The following PSMD13 variants were observed in gnomAD, a reference collection of about 807,000 sequenced individuals.
The protein encoded by PSMD13 is proteasome 26S subunit, non-ATPase 13, also known as 26S proteasome non-ATPase regulatory subunit 13.
In PSMD13, 8 loss-of-function variants were observed where a neutral mutation model predicts 57.4. That is an observed-to-expected ratio of 0.14 (90% CI 0.08 to 0.25). PSMD13 has a LOEUF of 0.25. Among genes scored for constraint, PSMD13 ranks in the 10% least tolerant of loss-of-function variants. The pLI is 1.00. For synonymous variants in PSMD13, 193 were observed against 168.2 expected, an observed-to-expected ratio of 1.15 and a Z score of -1.14; for missense variants, 400 against 461.5, an observed-to-expected ratio of 0.87 and a Z score of 1.22.
intron 10 of PSMD13, 40 bp downstream of exon 10, chr11:250,905 G>C (rs1859754471): frequency 1.3e-6 from 2 of 1,598,248 alleles, no homozygotes; most frequent in Non-Finnish European, 8.6e-7. Context: ...TGTGGTTTCA[G>C]ATTTTGGTCA....
Position 248,965 on chromosome 11 carries a change from A to T in PSMD13, c.682A>T (p.Thr228Ser), listed in dbSNP as rs754220223. The T allele has an allele frequency of 6.2e-7, 1 of 1,614,202 alleles. No homozygotes were observed. The highest frequency in any genetic ancestry group is 8.5e-7 in the Non-Finnish European group (1 of 1,180,026). ...MHPVLESLRN[T>S]DRQWLIDTLY... ...CCCTGTGCTGGAGTCCCTGAGGAAT[A>T]CTGACCGGCAGTGGCTGATTGACAC... The change falls in exon 9 of 13, where the codon ACT becomes TCT. Residue 228 changes from threonine (T) to serine (S), a missense_variant. Thr to Ser is a moderately conservative substitution (Grantham distance 58). Coordinates refer to ENST00000532097, the MANE Select transcript of PSMD13 (RefSeq NM_002817.4).
chr11:252,467 G>C lies in PSMD13; in HGVS notation c.1036-38G>C, dbSNP rs370471748. 1.2e-6 allele frequency: 2 copies of C among 1,601,802 alleles called. No individual in the cohort carries two copies. The highest frequency in any genetic ancestry group is 2.7e-5 in the African/African-American group (2 of 74,612). On this transcript the variant is annotated intron_variant, in intron 12 of 12. Coordinates refer to ENST00000532097, the MANE Select transcript of PSMD13 (RefSeq NM_002817.4). The surrounding 1 kb of genome is among the most constrained non-coding windows in gnomAD (Gnocchi z 4.1). ...CGGCCGCTCGGCCTGTGTCTCCTGC[G>C]TGTCTTAACGTCCCTTGTGTCCGGA...
At chr11:241,915 C>T (rs1210613158) in intron 2 of PSMD13, among the ~76,000 whole-genome samples, 1 of 152,154 alleles carries the variant, frequency 6.6e-6, no homozygotes, top group Non-Finnish European at 1.5e-5. Flanking sequence ...GCTTCCTAGT[C>T]TGTGTCCCTC....
At chr11:239,292 TTAAG>T (rs1378531901) in intron 2 of PSMD13, among the ~76,000 whole-genome samples, 1 of 152,180 alleles carries the variant, frequency 6.6e-6, no homozygotes, top group East Asian at 1.9e-4. Flanking sequence ...ACATAAGACT[TTAAG>T]TAACTTACCA....
intron 6 of PSMD13, among the ~76,000 whole-genome samples, chr11:246,347 C>T (rs1461413441): frequency 6.6e-6 from 1 of 152,030 alleles, no homozygotes; most frequent in East Asian, 1.9e-4. Context: ...ACTAAAACCA[C>T]AAAAATTAGC....
chr11:249,380 G>A lies in PSMD13; in HGVS notation c.774+323G>A, dbSNP rs535783263. ...GGTCTGTGTGACCTTAGGAATGAGT[G>A]AAGAGGTACGGGAAGAGTGCACTCA... On this transcript the variant is annotated intron_variant, in intron 9 of 12. Transcript: ENST00000532097. Among the ~76,000 whole-genome samples the A allele has an allele frequency of 5.3e-4, 81 of 152,214 alleles. 1 individual carries two copies. The South Asian group carries it at 0.015, about 29-fold the overall frequency.
intron 6 of PSMD13, among the ~76,000 whole-genome samples, chr11:245,641 CGTGTGTGTGTGT>C (rs4029226): frequency 2.9e-4 from 35 of 122,432 alleles, no homozygotes; most frequent in South Asian, 5.6e-4. Flanking sequence ...TGAACCAGAA[CGTGTGTGTGTGT>C]GTGTGTGTGT....
intron 6 of PSMD13, 36 bp from the exon 7 acceptor site, chr11:247,241 C>G (rs748541369): frequency 6.3e-7 from 1 of 1,575,428 alleles, no homozygotes; most frequent in African/African-American, 1.4e-5. Context: ...AAACTTTTAA[C>G]TTAAAAAGAG....
At chr11:243,911 G>A in intron 2 of PSMD13, 130 bp from the exon 3 acceptor site, 1 of 817,836 alleles carries the variant, frequency 1.2e-6, no homozygotes, top group Non-Finnish European at 2.0e-6. Context: ...CTGTGTGCTG[G>A]GCACTGTGGC....
intron 1 of PSMD13, among the ~76,000 whole-genome samples, chr11:237,885 A>G (rs932868845): frequency 1.8e-4 from 28 of 152,236 alleles, no homozygotes; most frequent in African/African-American, 6.5e-4. Flanking sequence ...CATAGAAAAT[A>G]CATCTCCTGT....
chr11:237,214 A>G (rs1590241895), intron 1 of PSMD13, 70 bp downstream of exon 1: 1 of 1,453,368 alleles, frequency 6.9e-7, no homozygotes, highest in Middle Eastern at 2.3e-4. Context: ...CGGGCGGAGG[A>G]GCGGACCCTT....
chr11:237,000 C>T lies in PSMD13; in HGVS notation c.-50C>T, dbSNP rs778978150. The T allele has an allele frequency of 2.3e-5, 34 of 1,479,128 alleles. No homozygotes were observed. The highest frequency in any genetic ancestry group is 3.1e-5 in the Non-Finnish European group (33 of 1,061,448). The allele number at this position is 1,479,128 out of a possible 1,614,324, so 91.6% of individuals were successfully genotyped here. On this transcript the variant is annotated 5_prime_UTR_variant, in exon 1 of 13. Transcript: ENST00000532097. ...TGAGCATTTCCGGCAGCCATCCCCG[C>T]GGTGCTGACATCCCGGTTGTTCTTC...
Position 248,918 on chromosome 11 carries a change from C to T in PSMD13, c.649-14C>T. 6.2e-7 allele frequency: 1 copy of T among 1,614,202 alleles called. No individual in the cohort carries two copies. Among genetic ancestry groups the T allele is most frequent in the South Asian group, 1.1e-5 (1 of 91,084 alleles). On this transcript the variant is annotated splice_polypyrimidine_tract_variant and intron_variant, in intron 8 of 12. Coordinates refer to ENST00000532097, the MANE Select transcript of PSMD13 (RefSeq NM_002817.4). Reference sequence around the variant, plus strand: ...GACTAAAGTGTTACTAGCTGACCATCTCCATCCTCACAGCTCATGCACCCT... The same window carrying T: ...GACTAAAGTGTTACTAGCTGACCATTTCCATCCTCACAGCTCATGCACCCT...
chr11:238,869 A>G, intron 1 of PSMD13, 129 bp from the exon 2 acceptor site: 1 of 906,970 alleles, frequency 1.1e-6, no homozygotes, highest in East Asian at 2.4e-5. Flanking sequence ...AGCATTTTGA[A>G]TTTTGGAGTT....
At chr11:243,112 C>G in intron 2 of PSMD13, 1 of 586,036 alleles carries the variant, frequency 1.7e-6, no homozygotes, top group South Asian at 1.5e-5. Flanking sequence ...CTTTTTCTTT[C>G]CCTTTTTTTA....
Position 237,107 on chromosome 11 carries a change from G to T in PSMD13, c.58G>T (p.Ala20Ser). ...QSQNSGPGQP[A>S]VWHRLEELYT... ...CCAGAACTCCGGGCCCGGGCAGCCC[G>T]CTGTGTGGCACCGTCTGGAGGAGCT... The change falls in exon 1 of 13, where the codon GCT (alanine) becomes TCT (serine). Residue 20 changes from alanine (A) to serine (S), a missense_variant. Transcript: ENST00000532097. 1 of 1,611,910 alleles carries T rather than the reference G, an allele frequency of 6.2e-7. No individual in the cohort carries two copies. The highest frequency in any genetic ancestry group is 1.1e-5 in the South Asian group (1 of 90,788).
At chr11:242,963 T>C (rs1453102529) in intron 2 of PSMD13, 1 of 206,364 alleles carries the variant, frequency 4.8e-6, no homozygotes, top group African/African-American at 2.3e-5. Context: ...GCCCAGCTGA[T>C]TTTTGTATTT....
At chr11:244,288 C>T in intron 4 of PSMD13, 72 bp downstream of exon 4, 2 of 1,587,986 alleles carry the variant, frequency 1.3e-6, no homozygotes, top group Non-Finnish European at 1.7e-6. Flanking sequence ...GTTAACTGAA[C>T]TTTTGTGTTT....
At position 252,826 on chromosome 11, in the gene PSMD13, G is replaced by C; in HGVS notation, c.*226G>C. 1 of 522,730 alleles carries C rather than the reference G, an allele frequency of 1.9e-6. No individual in the cohort carries two copies. 32.4% of individuals were successfully genotyped at this position (522,730 alleles called of 1,614,324 possible). ...TCTCCTGCAGAGGGTGGGGGTCTCAGGGTCTTAGGTGATACGGGAGAGAAA... is the reference window on the plus strand; with the variant it reads ...TCTCCTGCAGAGGGTGGGGGTCTCACGGTCTTAGGTGATACGGGAGAGAAA... On this transcript the variant is annotated 3_prime_UTR_variant, in exon 13 of 13. Coordinates refer to ENST00000532097, the MANE Select transcript of PSMD13 (RefSeq NM_002817.4). This position sits in a 1 kb window ranked among gnomAD's most constrained non-coding sequence, Gnocchi z 4.1.
Sources: gnomAD v4.1 joint callset for allele counts (sites outside exome capture counted in the v4.1 genomes callset) on GRCh38, gnomAD v4.1.1 for gene constraint, Gnocchi (gnomAD v3.1) non-coding constraint, MANE v1.5 for transcripts, NCBI Gene and HGNC (gene_info 2026-07-23, HGNC 2026-07-21) for gene names.